The following CHD8 variants were observed in gnomAD, a reference collection of about 807,000 sequenced individuals.
CHD8 encodes ATP-dependent chromatin remodeler CHD8.
Under a neutral mutation model 279.2 loss-of-function variants are expected in CHD8, and 31 were observed. The ratio of observed to expected loss-of-function variants is 0.11; its 90% CI spans 0.08 to 0.15. CHD8 has a LOEUF of 0.15. Among genes scored for constraint, CHD8 ranks in the 10% least tolerant of loss-of-function variants. CHD8 has a pLI of 1.00. For synonymous variants in CHD8, 1,081 were observed against 1,139.6 expected, an observed-to-expected ratio of 0.95 and a Z score of 1.04; for missense variants, 2,146 against 3,230.5, an observed-to-expected ratio of 0.66 and a Z score of 8.14.
chr14:21,399,517 A>G, intron 26 of CHD8, 85 bp downstream of exon 26: 2 of 914,250 alleles, frequency 2.2e-6, no homozygotes, highest in Admixed American at 3.7e-5. Flanking sequence ...TAACTGAGTT[A>G]TTTCTCAGGA....
At chr14:21,404,928 T>TA in intron 16 of CHD8, 1 of 372,862 alleles carries the variant, frequency 2.7e-6, no homozygotes, top group Non-Finnish European at 4.9e-6. Flanking sequence ...GCCTTCTGGG[T>TA]TCAAGCAATC....
In CHD8 at chr14:21,393,151, C is replaced by G; in HGVS notation, c.6423G>C (p.Glu2141Asp). 6.2e-7 allele frequency: 1 copy of G among 1,613,942 alleles called. No individual in the cohort carries two copies. The highest frequency in any genetic ancestry group is 8.5e-7 in the Non-Finnish European group (1 of 1,179,882). The change falls in exon 33 of 38, where the codon GAG (glutamate) becomes GAC (aspartate). Residue 2141 changes from glutamate (E) to aspartate (D), a missense_variant. By Grantham distance (45) the Glu-to-Asp change is conservative. Transcript: ENST00000646647. Reference sequence around the variant, plus strand: ...TTTGTCTTTCCTGCAGTAGCAGAAGCTCAGGGGTCATTTGTTCTCCATCTT... The same window carrying G: ...TTTGTCTTTCCTGCAGTAGCAGAAGGTCAGGGGTCATTTGTTCTCCATCTT... ...PNEDGEQMTP[E>D]LLLLQERQRA...
chr14:21,411,989 G>C (rs1175914166), intron 10 of CHD8, among the ~76,000 whole-genome samples: 1 of 151,878 alleles, frequency 6.6e-6, no homozygotes, highest in Admixed American at 6.6e-5. Flanking sequence ...ACTTGAATCT[G>C]GGAGGCGGAG....
Position 21,391,858 on chromosome 14 carries a change from T to C in CHD8, c.6860A>G (p.Lys2287Arg), listed in dbSNP as rs751700639. 1 of 1,613,102 alleles carries C rather than the reference T, an allele frequency of 6.2e-7. No individual in the cohort carries two copies. The highest frequency in any genetic ancestry group is 8.5e-7 in the Non-Finnish European group (1 of 1,179,132). ...CTCTACTAGCTTCTTTCTGTTCCCC[T>C]TCTTCTTATGAAACAGTGGATGTCC... ...GDGHPLFHKK[K>R]GNRKKLVELE... is the part of the protein sequence containing the mutation. The change falls in exon 35 of 38, where the codon AAG becomes AGG. Residue 2287 changes from lysine (K) to arginine (R), a missense_variant. Lys to Arg is a conservative substitution (Grantham distance 26). This residue lies in a region of CHD8 where 336 missense variants were observed against 392.9 expected (regional missense o/e 0.86). Coordinates refer to ENST00000646647, the MANE Select transcript of CHD8 (RefSeq NM_001170629.2).
chr14:21,390,109 G>A (rs1320877737), intron 37 of CHD8, among the ~76,000 whole-genome samples: 1 of 152,038 alleles, frequency 6.6e-6, no homozygotes, highest in African/African-American at 2.4e-5. Context: ...GGTGGTGCAC[G>A]CCTGCAATCC....
At chr14:21,395,265 C>A (rs1202548371) in intron 29 of CHD8, 33 bp downstream of exon 29, 1 of 1,573,800 alleles carries the variant, frequency 6.4e-7, no homozygotes. Flanking sequence ...CACCACCCCA[C>A]ACAGAATTAT....
At chr14:21,453,273 T>C (rs762251036) in intron 1 of CHD8, among the ~76,000 whole-genome samples, 1 of 151,924 alleles carries the variant, frequency 6.6e-6, no homozygotes, top group Non-Finnish European at 1.5e-5. Context: ...CTGGCCAATA[T>C]GGTGAAACCC....
intron 1 of CHD8, among the ~76,000 whole-genome samples, chr14:21,449,085 A>G (rs907243394): frequency 2.6e-4 from 40 of 151,900 alleles, no homozygotes; most frequent in African/African-American, 9.7e-4. Flanking sequence ...GAGGCAGGAG[A>G]ATGGCGGGAA....
chr14:21,436,404 T>C (rs1889781092), intron 1 of CHD8, among the ~76,000 whole-genome samples: 1 of 152,236 alleles, frequency 6.6e-6, no homozygotes, highest in Non-Finnish European at 1.5e-5. Context: ...AACTGTACCA[T>C]GAAGACATTC....
intron 26 of CHD8, chr14:21,399,055 T>C (rs1887918013): frequency 5.2e-6 from 2 of 385,646 alleles, no homozygotes; most frequent in African/African-American, 4.3e-5. Flanking sequence ...CAGCATCTGA[T>C]ATTTGTGAAC....
At chr14:21,454,177 G>GAA (rs1890326526) in intron 1 of CHD8, among the ~76,000 whole-genome samples, 1 of 125,996 alleles carries the variant, frequency 7.9e-6, no homozygotes, top group South Asian at 2.2e-4. Context: ...GAAAAGAAAA[G>GAA]AAAAGAAAAG....
intron 5 of CHD8, among the ~76,000 whole-genome samples, chr14:21,420,118 C>G (rs986265384): frequency 3.9e-5 from 6 of 152,152 alleles, no homozygotes; most frequent in African/African-American, 1.4e-4. Context: ...GGCACCTGCC[C>G]TCTCCTCTTT....
At chr14:21,410,695 G>C (rs548462708) in intron 10 of CHD8, among the ~76,000 whole-genome samples, 82 of 152,212 alleles carry the variant, frequency 5.4e-4, no homozygotes, top group Non-Finnish European at 8.7e-4. Flanking sequence ...TCCATTTTTG[G>C]CTTATGAAGT....
Position 21,397,826 on chromosome 14 carries a change from T to G in CHD8, c.5048A>C (p.Glu1683Ala), listed in dbSNP as rs1437321692. The G allele has an allele frequency of 3.1e-6, 5 of 1,613,552 alleles. No individual in the cohort carries two copies. The change falls in exon 27 of 38, where the codon GAA becomes GCA. Residue 1683 changes from glutamate to alanine, a missense_variant. Glu to Ala is a moderately radical substitution (Grantham distance 107). Around this residue, in one of 26 missense-constraint regions of CHD8, gnomAD observed 75 missense variants for 81.3 expected, o/e 0.92. Coordinates refer to ENST00000646647, the MANE Select transcript of CHD8 (RefSeq NM_001170629.2). The stretch of plus-strand genomic sequence containing the variant: ...AAGAACAAATACTAATGCTTACCCT[T>G]CTACTATGTCAGAGAAGTTATCCAA... The part of the protein sequence containing the change: ...RVLDNFSDIV[E>A]GVDFDKDCED...
Position 21,385,525 on chromosome 14 carries a change from C to T in CHD8, c.*88G>A, listed in dbSNP as rs923338975. Reference sequence around the variant, plus strand: ...GGAGTCCTGGACTTCCCCACATCTCCCCTGCCCCTCCCACGTTTCCATAGT... The same window carrying T: ...GGAGTCCTGGACTTCCCCACATCTCTCCTGCCCCTCCCACGTTTCCATAGT... On this transcript the variant is annotated 3_prime_UTR_variant, in exon 38 of 38. Transcript: ENST00000646647. The T allele has an allele frequency of 4.1e-6, 6 of 1,456,850 alleles. No individual in the cohort carries two copies. The African/African-American group carries it at 8.5e-5, about 21-fold the overall frequency. 90.2% of individuals were successfully genotyped at this position (1,456,850 alleles called of 1,614,324 possible).
chr14:21,408,406 T>G lies in CHD8; in HGVS notation c.2636A>C (p.Asn879Thr). The change falls in exon 13 of 38, where the codon AAT becomes ACT. Residue 879 changes from asparagine (N) to threonine (T), a missense_variant. Physicochemically the swap from Asn to Thr is moderately conservative, Grantham distance 65. Around this residue, in one of 26 missense-constraint regions of CHD8, gnomAD observed 211 missense variants for 464.7 expected, o/e 0.45. Coordinates refer to ENST00000646647, the MANE Select transcript of CHD8 (RefSeq NM_001170629.2). This position sits in a 1 kb window ranked among gnomAD's most constrained non-coding sequence, Gnocchi z 4.3. ...AATAGTGTTCATTTCTGTCCATGTA[T>G]TAAATTCTCGCTCCCAGTTAGTAAT... ...STITNWEREF[N>T]TWTEMNTIVY... 6.2e-7 allele frequency: 1 copy of G among 1,613,976 alleles called. No homozygotes were observed. The highest frequency in any genetic ancestry group is 8.5e-7 in the Non-Finnish European group (1 of 1,179,878).
intron 1 of CHD8, 84 bp from the exon 2 acceptor site, chr14:21,431,942 T>C: frequency 1.3e-6 from 1 of 796,990 alleles, no homozygotes; most frequent in Non-Finnish European, 2.2e-6. Context: ...GTACTGTTCT[T>C]AATATCAAAT....
chr14:21,419,575 A>G (rs184663373), intron 5 of CHD8: 56 of 156,510 alleles, frequency 3.6e-4, no homozygotes, highest in Non-Finnish European at 7.0e-4. Flanking sequence ...TATAAAAATA[A>G]AAGAAAACAA....
chr14:21,395,301 C>T lies in CHD8; in HGVS notation c.5179G>A (p.Glu1727Lys). The change falls in exon 29 of 38, where the codon GAA becomes AAA. Residue 1727 changes from glutamate (E) to lysine (K), a missense_variant. This residue lies in a region of CHD8 where 75 missense variants were observed against 81.3 expected (regional missense o/e 0.92). Transcript: ENST00000646647. ...DEEISVIDGD[E>K]AQVTQQPGHL... ...ACTAGTTGACCTAGAAGTTTACCTT[C>T]ATCTCCATCAATCACTGAGATCTCC... 1 of 1,607,046 alleles carries T rather than the reference C, an allele frequency of 6.2e-7. No individual in the cohort carries two copies. Among genetic ancestry groups the T allele is most frequent in the Non-Finnish European group, 8.5e-7 (1 of 1,175,240 alleles).
Sources: allele counts gnomAD v4.1 joint callset (sites outside exome capture counted in the v4.1 genomes callset), GRCh38; gene constraint gnomAD v4.1.1; regional missense constraint gnomAD v4.1.1; non-coding constraint Gnocchi (gnomAD v3.1); transcripts MANE v1.5; gene names NCBI Gene and HGNC (gene_info 2026-07-23, HGNC 2026-07-21).